MARCHF8: variants seen among roughly 807,000 people sequenced by gnomAD.
MARCHF8 encodes E3 ubiquitin-protein ligase MARCHF8.
A neutral mutation model predicts 51.6 loss-of-function variants in MARCHF8; 40 were observed. The ratio of observed to expected loss-of-function variants is 0.77; its 90% confidence interval spans 0.60 to 1.01. The LOEUF is 1.01. MARCHF8 is among the 50% of genes least tolerant of loss of function. MARCHF8 has a pLI of 0.00. For synonymous variants in MARCHF8, 263 were observed against 280.3 expected (o/e 0.94, Z 0.62); for missense variants, 685 against 708.6 (o/e 0.97, Z 0.38).
chr10:45,518,197 A>G (rs971823500), intron 2 of MARCHF8, among the ~76,000 whole-genome samples: 10 of 152,138 alleles, frequency 6.6e-5, no homozygotes, highest in Non-Finnish European at 1.3e-4. Flanking sequence ...AGAATTATCA[A>G]TGAAGGCAAG....
rs116997198 is a variant in MARCHF8, at chr10:45,568,534, C to T, written c.-79+25701G>A. ...AAGAGATCATGACCATCCTGGCCAA[C>T]GTGGTGAAACCCCATGCCTACTAAA... On this transcript the variant is annotated intron_variant, in intron 1 of 6. Coordinates refer to the MARCHF8 transcript ENST00000319836. 7.1e-3 allele frequency among the ~76,000 whole-genome samples: 1,078 copies of T among 152,032 alleles called. 6 individuals are homozygous for T. The highest frequency in any genetic ancestry group is 0.013 in the Non-Finnish European group (894 of 67,978).
intron 2 of MARCHF8, among the ~76,000 whole-genome samples, chr10:45,532,208 C>T (rs965021560): frequency 6.6e-6 from 1 of 152,164 alleles, no homozygotes; most frequent in African/African-American, 2.4e-5. Context: ...TTTATTTAGA[C>T]CTTAAAAATC....
chr10:45,594,536 G>A (rs760930500), exon 1 of MARCHF8: 3 of 152,242 alleles, frequency 2.0e-5, no homozygotes, highest in Non-Finnish European at 4.4e-5. Context: ...GCCTGGAGTC[G>A]CGCTGCCTCT....
chr10:45,526,455 T>C lies in MARCHF8; in HGVS notation c.102+6655A>G, dbSNP rs540802189. Among the ~76,000 whole-genome samples, 20 of 152,216 alleles carry C rather than the reference T, an allele frequency of 1.3e-4. 1 individual carries two copies. In the South Asian group the frequency reaches 2.1e-3, roughly 16 times the overall value. ...CCTAATAGAGTGAGTTGCCTGGAGA[T>C]TGACAGAGGCATTGCTCAAACTCAC... is the stretch of plus-strand genomic sequence containing the variant. On this transcript the variant is annotated intron_variant, in intron 2 of 7. Transcript: ENST00000453424.
At chr10:45,571,197 A>C (rs777850867) in intron 1 of MARCHF8, among the ~76,000 whole-genome samples, 1 of 152,244 alleles carries the variant, frequency 6.6e-6, no homozygotes, top group Non-Finnish European at 1.5e-5. Context: ...AGCCCAAGCT[A>C]AACTATCATA....
intron 1 of MARCHF8, among the ~76,000 whole-genome samples, chr10:45,543,849 CG>C (rs2133315804): frequency 6.7e-6 from 1 of 148,212 alleles, no homozygotes; most frequent in East Asian, 2.0e-4. Context: ...AGAACTCCTA[CG>C]TTAAGACAAA....
At chr10:45,528,763 A>G (rs1272785678) in intron 2 of MARCHF8, among the ~76,000 whole-genome samples, 3 of 152,212 alleles carry the variant, frequency 2.0e-5, no homozygotes, top group Non-Finnish European at 4.4e-5. Context: ...ATAATAAAAT[A>G]CTCAGAAATA....
At chr10:45,460,231 C>A (rs904396919) in intron 6 of MARCHF8, among the ~76,000 whole-genome samples, 2 of 152,176 alleles carry the variant, frequency 1.3e-5, no homozygotes, top group South Asian at 4.1e-4. Flanking sequence ...CTACTTCCTA[C>A]AACGCACGTA....
At chr10:45,488,787 A>AGCTCAGGGC (rs1399167288) in intron 3 of MARCHF8, among the ~76,000 whole-genome samples, 1 of 152,168 alleles carries the variant, frequency 6.6e-6, no homozygotes, top group Non-Finnish European at 1.5e-5. Flanking sequence ...GGCTGTGTAA[A>AGCTCAGGGC]GCTCAGGGCC....
At chr10:45,515,036 T>C (rs1403940122) in intron 2 of MARCHF8, among the ~76,000 whole-genome samples, 1 of 152,196 alleles carries the variant, frequency 6.6e-6, no homozygotes, top group Non-Finnish European at 1.5e-5. Flanking sequence ...ACAAACTGCT[T>C]CAAGGAGGAA....
At chr10:45,517,711 A>C (rs1210023984) in intron 2 of MARCHF8, among the ~76,000 whole-genome samples, 1 of 152,208 alleles carries the variant, frequency 6.6e-6, no homozygotes, top group Non-Finnish European at 1.5e-5. Flanking sequence ...AAGACAGCCT[A>C]ACATAAGGGC....
At chr10:45,500,463 T>C (rs1393955483) in intron 2 of MARCHF8, among the ~76,000 whole-genome samples, 1 of 152,184 alleles carries the variant, frequency 6.6e-6, no homozygotes, top group Non-Finnish European at 1.5e-5. Flanking sequence ...TCCAGTAATG[T>C]GTTGTACAGC....
rs184395467 is a variant in MARCHF8 at position 45,472,283 on chromosome 10, T to A, written c.154-7956A>T. Among the ~76,000 whole-genome samples the A allele has an allele frequency of 1.5e-3, 221 of 152,342 alleles. 1 individual carries two copies. Among genetic ancestry groups the A allele is most frequent in the African/African-American group, 4.0e-3 (167 of 41,572 alleles). ...CTATTCATTTCTTTCACTGCACCTATCAAGGTTTATAAGAAGATGTTACTG... is the reference window on the plus strand; with the variant it reads ...CTATTCATTTCTTTCACTGCACCTAACAAGGTTTATAAGAAGATGTTACTG... On this transcript the variant is annotated intron_variant, in intron 3 of 7. Transcript: ENST00000453424.
upstream of MARCHF8, among the ~76,000 whole-genome samples, chr10:45,538,594 T>G (rs979323889): frequency 6.6e-6 from 1 of 152,032 alleles, no homozygotes; most frequent in Non-Finnish European, 1.5e-5. Flanking sequence ...GAGACACACA[T>G]AGGCTCAAAA....
At chr10:45,553,416 C>T (rs2044217183) in intron 1 of MARCHF8, among the ~76,000 whole-genome samples, 1 of 152,158 alleles carries the variant, frequency 6.6e-6, no homozygotes, top group Middle Eastern at 3.2e-3. Flanking sequence ...ACAAGACTGG[C>T]CTTTTGCATC....
At position 45,475,235 on chromosome 10, in the gene MARCHF8, C is replaced by T. The variant is rs528286237; in HGVS notation, c.154-10908G>A. On this transcript the variant is annotated intron_variant, in intron 3 of 7. Transcript: ENST00000453424. ...TCACAAGCGCCAAGGACAAAGTGAGCAAAGTGTGCACTCCCTAGCCGCTGG... is the reference window on the plus strand; with the variant it reads ...TCACAAGCGCCAAGGACAAAGTGAGTAAAGTGTGCACTCCCTAGCCGCTGG... Among the ~76,000 whole-genome samples the T allele has an allele frequency of 2.5e-3, 385 of 152,318 alleles. 16 individuals are homozygous for T. The South Asian group carries it at 0.074, about 29-fold the overall frequency.
At chr10:45,551,250 G>T (rs1199683451) in intron 1 of MARCHF8, among the ~76,000 whole-genome samples, 1 of 152,106 alleles carries the variant, frequency 6.6e-6, no homozygotes, top group African/African-American at 2.4e-5. Context: ...TATTCACCAG[G>T]CCCTCCCTGT....
chr10:45,459,108 C>A lies in MARCHF8; in HGVS notation c.1417+12G>T, dbSNP rs1564460879. The A allele has an allele frequency of 1.9e-6, 3 of 1,613,864 alleles. No individual in the cohort carries two copies. Among genetic ancestry groups the A allele is most frequent in the Non-Finnish European group, 1.7e-6 (2 of 1,179,956 alleles). ...GCCCCCATGCTGAGCTTGCTCCAGC[C>A]TGAGAACTCACCTGTTGCCTGCCCC... On this transcript the variant is annotated intron_variant, in intron 7 of 7. Transcript: ENST00000453424.
intron 2 of MARCHF8, among the ~76,000 whole-genome samples, chr10:45,492,488 G>A (rs1191532218): frequency 2.0e-5 from 3 of 151,976 alleles, no homozygotes; most frequent in Non-Finnish European, 2.9e-5. Flanking sequence ...TAGTAGAGAC[G>A]GGGTTTCACT....
Sources: allele counts gnomAD v4.1 joint callset (sites outside exome capture counted in the v4.1 genomes callset), GRCh38; gene constraint gnomAD v4.1.1; transcripts MANE v1.5; gene names NCBI Gene and HGNC (gene_info 2026-07-23, HGNC 2026-07-21).